ICE2: variants seen among roughly 807,000 people sequenced by gnomAD.
ICE2 encodes interactor of little elongation complex ELL subunit 2, also known as little elongation complex subunit 2.
ICE2 carries 87 observed loss-of-function variants against 105.4 expected under a neutral mutation model. The observed-to-expected ratio is 0.83, with a 90% CI of 0.69 to 0.99. The LOEUF (loss-of-function observed/expected upper bound fraction) is 0.99. ICE2 is among the 50% of genes least tolerant of loss of function. The pLI is 0.00. For missense variants in ICE2, 1,323 were observed against 1,146.7 expected (o/e 1.15, Z -2.22); for synonymous variants, 399 against 392.0 (o/e 1.02, Z -0.21).
chr15:60,451,293 T>C (rs949432592), intron 9 of ICE2: 3 of 760,158 alleles, frequency 3.9e-6, no homozygotes, highest in African/African-American at 3.8e-5. Context: ...AGATACACTT[T>C]TTCCCTTCCC....
In ICE2 at chr15:60,428,340, G is replaced by A. The variant is rs79286889; in HGVS notation, c.2820+89C>T. The A allele has an allele frequency of 4.5e-3, 6,006 of 1,341,944 alleles. 28 individuals are homozygous for A. Among genetic ancestry groups the A allele is most frequent in the Non-Finnish European group, 5.5e-3 (5,307 of 972,986 alleles). The allele number at this position is 1,341,944 out of a possible 1,614,324, so 83.1% of individuals were successfully genotyped here. ...ATGGTGCTGTGATTAATATGACAATGAGAACATCAGGGTGAAATACGGTAA... is the reference window on the plus strand; with the variant it reads ...ATGGTGCTGTGATTAATATGACAATAAGAACATCAGGGTGAAATACGGTAA... On this transcript the variant is annotated intron_variant, in intron 15 of 15. Coordinates refer to ENST00000261520, the MANE Select transcript of ICE2 (RefSeq NM_024611.6).
chr15:60,427,122 G>C (rs551958130), intron 15 of ICE2, among the ~76,000 whole-genome samples: 1 of 152,168 alleles, frequency 6.6e-6, no homozygotes, highest in African/African-American at 2.4e-5. Flanking sequence ...ACTTAGAGTG[G>C]AGAACTGAAA....
Position 60,448,863 on chromosome 15 carries a change from G to A in ICE2, c.2104C>T (p.Gln702Ter), listed in dbSNP as rs2063887549. ...ATTTACTTACGTCCTTTTGGCTTCT[G>A]AAATGCAGAAGGCCATCCAGATTTC... ...WPKSGWPSAF[Q>*]KPKGRLPYEL... Residue 702 changes from glutamine (Q) to a stop codon, truncating the protein, a stop_gained, in exon 10 of 16, where the codon CAG becomes TAG. Transcript: ENST00000261520. LOFTEE classifies it high-confidence loss of function. The A allele has an allele frequency of 6.3e-7, 1 of 1,582,984 alleles. No individual in the cohort carries two copies. The highest frequency in any genetic ancestry group is 1.4e-5 in the African/African-American group (1 of 72,912).
chr15:60,445,875 T>G (rs533131181), intron 11 of ICE2: 11 of 608,608 alleles, frequency 1.8e-5, no homozygotes, highest in Non-Finnish European at 2.3e-5. Flanking sequence ...ATCAGAGAGA[T>G]AGCAAGAATC....
chr15:60,426,544 T>C (rs973235608), intron 15 of ICE2, among the ~76,000 whole-genome samples: 8 of 152,226 alleles, frequency 5.3e-5, no homozygotes, highest in African/African-American at 1.9e-4. Flanking sequence ...AATTGTGTTA[T>C]TGTACTAAAG....
chr15:60,433,723 T>G (rs1239321597), intron 13 of ICE2, among the ~76,000 whole-genome samples: 1 of 151,474 alleles, frequency 6.6e-6, no homozygotes, highest in Non-Finnish European at 1.5e-5. Flanking sequence ...ACTCCTGACC[T>G]CAAGTGATCC....
At chr15:60,435,566 T>C (rs1207361576) in intron 13 of ICE2, among the ~76,000 whole-genome samples, 2 of 149,118 alleles carry the variant, frequency 1.3e-5, no homozygotes, top group South Asian at 2.1e-4. Context: ...ACCACTGCAC[T>C]CTAGCCTGGG....
At chr15:60,426,884 A>G (rs1043575307) in intron 15 of ICE2, among the ~76,000 whole-genome samples, 1 of 152,236 alleles carries the variant, frequency 6.6e-6, no homozygotes, top group Non-Finnish European at 1.5e-5. Flanking sequence ...TAGTTCTTCA[A>G]TTATTTTTGA....
At chr15:60,446,767 G>A (rs1476506099) in intron 11 of ICE2, among the ~76,000 whole-genome samples, 6 of 152,078 alleles carry the variant, frequency 3.9e-5, no homozygotes, top group African/African-American at 1.4e-4. Context: ...TCACTAGTCT[G>A]GATTCACCTG....
chr15:60,451,521 G>A, intron 9 of ICE2: 6 of 984,384 alleles, frequency 6.1e-6, no homozygotes, highest in Non-Finnish European at 7.2e-6. Context: ...AATAATTCCA[G>A]AACACTTAGC....
In ICE2 at chr15:60,476,117, T is replaced by G; in HGVS notation, c.92A>C (p.Tyr31Ser). 6.2e-7 allele frequency: 1 copy of G among 1,609,314 alleles called. No individual in the cohort carries two copies. The highest frequency in any genetic ancestry group is 8.5e-7 in the Non-Finnish European group (1 of 1,178,334). The change falls in exon 3 of 16, where the codon TAT becomes TCT. Residue 31 changes from tyrosine (Y) to serine (S), a missense_variant. Coordinates refer to ENST00000261520, the MANE Select transcript of ICE2 (RefSeq NM_024611.6). ...ACTTGGAGCCATGGAATGATCTTTATAATTTTCTCGAGAGAAAAATGTCTT... is the reference window on the plus strand; with the variant it reads ...ACTTGGAGCCATGGAATGATCTTTAGAATTTTCTCGAGAGAAAAATGTCTT... ...GLKTFFSREN[Y>S]KDHSMAPSLK...
chr15:60,449,983 T>A, intron 9 of ICE2, 142 bp from the exon 10 acceptor site: 1 of 661,092 alleles, frequency 1.5e-6, no homozygotes, highest in Non-Finnish European at 2.5e-6. Context: ...GGTTCTTGTT[T>A]AAGATGACAA....
chr15:60,478,050 T>C lies in ICE2; in HGVS notation c.-73A>G, dbSNP rs2064815896. The C allele has an allele frequency of 7.2e-7, 1 of 1,393,654 alleles. No individual in the cohort carries two copies. Among genetic ancestry groups the C allele is most frequent in the African/African-American group, 1.4e-5 (1 of 70,444 alleles). 86.3% of individuals were successfully genotyped at this position (1,393,654 alleles called of 1,614,324 possible). On this transcript the variant is annotated 5_prime_UTR_variant, in exon 2 of 16. Coordinates refer to ENST00000261520, the MANE Select transcript of ICE2 (RefSeq NM_024611.6). ...GCTGCGAAGGCTCCAAGAGGCAGGA[T>C]CCCTCCAGAACTTACTCAGCTGAGT...
intron 9 of ICE2, chr15:60,451,366 T>C (rs1041301533): frequency 1.1e-6 from 1 of 937,910 alleles, no homozygotes; most frequent in African/African-American, 1.8e-5. Context: ...AATCTCAATA[T>C]AGACCAAAGC....
At chr15:60,459,894 A>T (rs1358855331) in intron 5 of ICE2, among the ~76,000 whole-genome samples, 1 of 152,248 alleles carries the variant, frequency 6.6e-6, no homozygotes, top group African/African-American at 2.4e-5. Context: ...GAGTTTAAAA[A>T]AAAACACAGA....
At position 60,473,840 on chromosome 15, in the gene ICE2, A is replaced by G. The variant is rs150159844; in HGVS notation, c.146+2223T>C. ...TATATCTGACATTAGCACAGACATTATAATTATGCACTTTGGCAAGAGGAA... is the reference window on the plus strand; with the variant it reads ...TATATCTGACATTAGCACAGACATTGTAATTATGCACTTTGGCAAGAGGAA... On this transcript the variant is annotated intron_variant, in intron 3 of 15. Coordinates refer to ENST00000261520, the MANE Select transcript of ICE2 (RefSeq NM_024611.6). Among the ~76,000 whole-genome samples the G allele has an allele frequency of 5.9e-5, 9 of 152,336 alleles. No individual in the cohort carries two copies. The East Asian group carries it at 1.2e-3, about 20-fold the overall frequency.
rs1351899548 is a variant in ICE2, at chr15:60,448,905, C to T, written c.2062G>A (p.Asp688Asn). ...SVSEQLSGPS[D>N]SSSWPKSGWP... ...CCAGATTTCGGCCAACTAGAGGAGT[C>T]TGAAGGACCAGACAATTGCTCAGAA... is the stretch of plus-strand genomic sequence containing the variant. Residue 688 changes from aspartate (D) to asparagine (N), a missense_variant, in exon 10 of 16, where the codon GAC becomes AAC. Physicochemically the swap from Asp to Asn is conservative, Grantham distance 23 (BLOSUM62 1). Coordinates refer to ENST00000261520, the MANE Select transcript of ICE2 (RefSeq NM_024611.6). 2 of 1,613,172 alleles carry T rather than the reference C, an allele frequency of 1.2e-6. No homozygotes were observed. The highest frequency in any genetic ancestry group is 1.7e-6 in the Non-Finnish European group (2 of 1,179,782).
rs1595726963 is a variant in ICE2, at chr15:60,421,039, T to C, written c.*2595A>G. On this transcript the variant is annotated 3_prime_UTR_variant, in exon 16 of 16. Coordinates refer to ENST00000261520, the MANE Select transcript of ICE2 (RefSeq NM_024611.6). ...ATGGTGAGATCTGAAAAAACAAGGC[T>C]ATGAGAGAATAACTGTGGGGACCTA... The C allele has an allele frequency of 6.6e-6, 1 of 151,714 alleles. No individual in the cohort carries two copies. Among genetic ancestry groups the C allele is most frequent in the East Asian group, 1.9e-4 (1 of 5,202 alleles). The allele number at this position is 151,714 out of a possible 1,614,324, so 9.4% of individuals were successfully genotyped here.
At position 60,449,138 on chromosome 15, in the gene ICE2, G is replaced by C; in HGVS notation, c.1829C>G (p.Ser610Ter). The change falls in exon 10 of 16, where the codon TCA becomes TGA. Residue 610 changes from serine to a stop codon, truncating the protein, a stop_gained. Transcript: ENST00000261520. LOFTEE classifies it high-confidence loss of function. ...CTGGTTTCCTACAGAAGCCTGTCCT[G>C]AGGAAGAATTTGGACTAGCTGGTCT... ...SSRPASPNSS[S>*]GQASVGNQTN... 6.2e-7 allele frequency: 1 copy of C among 1,614,018 alleles called. No individual in the cohort carries two copies. Among genetic ancestry groups the C allele is most frequent in the Non-Finnish European group, 8.5e-7 (1 of 1,179,918 alleles).
Sources: allele counts gnomAD v4.1 joint callset (sites outside exome capture counted in the v4.1 genomes callset), GRCh38; gene constraint gnomAD v4.1.1; transcripts MANE v1.5; gene names NCBI Gene and HGNC (gene_info 2026-07-23, HGNC 2026-07-21).